The following EPM2A variants were observed in gnomAD, a reference collection of about 807,000 sequenced individuals.
EPM2A encodes the protein laforin.
In EPM2A, 21 loss-of-function variants were observed where a neutral mutation model predicts 26.5. The ratio of observed to expected loss-of-function variants is 0.79; its 90% confidence interval spans 0.56 to 1.14. EPM2A has a LOEUF of 1.14. Among genes scored for constraint, EPM2A ranks in the 50% most tolerant of loss-of-function variants. EPM2A has a pLI of 0.00. For synonymous variants in EPM2A, 217 were observed against 177.6 expected, an observed-to-expected ratio of 1.22 and a Z score of -1.76; for missense variants, 458 against 440.8, an observed-to-expected ratio of 1.04 and a Z score of -0.35.
At chr6:145,513,295 GA>G (rs1297621992) in intron 2 of EPM2A, among the ~76,000 whole-genome samples, 3 of 151,922 alleles carry the variant, frequency 2.0e-5, no homozygotes, top group Non-Finnish European at 2.9e-5. Flanking sequence ...AACCACCCAT[GA>G]AAAAAATGTT....
chr6:145,586,304 T>C (rs1235086119), intron 2 of EPM2A, among the ~76,000 whole-genome samples: 3 of 152,222 alleles, frequency 2.0e-5, no homozygotes, highest in African/African-American at 7.2e-5. Context: ...TTTCCTGTTA[T>C]ACCATCTTCA....
At chr6:145,574,622 G>T (rs1301111836) in intron 2 of EPM2A, among the ~76,000 whole-genome samples, 2 of 152,172 alleles carry the variant, frequency 1.3e-5, no homozygotes, top group Non-Finnish European at 2.9e-5. Context: ...GGTCTAAAGT[G>T]GCTAATACAC....
chr6:145,711,253 C>A (rs181925494), intron 1 of EPM2A, among the ~76,000 whole-genome samples: 3 of 152,284 alleles, frequency 2.0e-5, no homozygotes, highest in Non-Finnish European at 4.4e-5. Context: ...AATCCCAGAA[C>A]TATTAAATTA....
At chr6:145,502,940 ATAAT>A (rs1158692069) in intron 2 of EPM2A, among the ~76,000 whole-genome samples, 2 of 152,234 alleles carry the variant, frequency 1.3e-5, no homozygotes, top group African/African-American at 2.4e-5. Context: ...TTTTGAATAC[ATAAT>A]TAGTTTGCAG....
At chr6:145,394,342 A>G (rs1388634768) in intron 4 of EPM2A, among the ~76,000 whole-genome samples, 1 of 152,110 alleles carries the variant, frequency 6.6e-6, no homozygotes, top group Non-Finnish European at 1.5e-5. Flanking sequence ...CTCAGTTGCC[A>G]CTGAGCACCA....
chr6:145,610,418 A>C (rs961414718), intron 2 of EPM2A, among the ~76,000 whole-genome samples: 4 of 152,236 alleles, frequency 2.6e-5, no homozygotes, highest in Non-Finnish European at 5.9e-5. Flanking sequence ...CAAAAAGCAC[A>C]AAGTAATTGC....
chr6:145,452,721 T>G (rs1173541361), intron 4 of EPM2A, among the ~76,000 whole-genome samples: 1 of 151,284 alleles, frequency 6.6e-6, no homozygotes, highest in Non-Finnish European at 1.5e-5. Flanking sequence ...TTTTGACAAA[T>G]TAAAAATAAA....
chr6:145,493,667 T>C (rs1582797383), intron 4 of EPM2A, among the ~76,000 whole-genome samples: 1 of 152,218 alleles, frequency 6.6e-6, no homozygotes, highest in Non-Finnish European at 1.5e-5. Context: ...GTTCTTTCAA[T>C]ACCTAGTTTA....
chr6:145,735,181 G>C lies in EPM2A; in HGVS notation c.301+17C>G. 1 of 1,481,780 alleles carries C rather than the reference G, an allele frequency of 6.7e-7. No individual in the cohort carries two copies. Among genetic ancestry groups the C allele is most frequent in the Non-Finnish European group, 9.0e-7 (1 of 1,108,876 alleles). 91.8% of individuals were successfully genotyped at this position (1,481,780 alleles called of 1,614,324 possible). On this transcript the variant is annotated intron_variant, in intron 1 of 3. Transcript: ENST00000367519. ...AGCTCCCGCTCTGCGCCGGGGGCAG[G>C]CGTCTGCTGGCAATACCTTCCCAGG...
chr6:145,579,827 T>C lies in EPM2A; in HGVS notation c.340+55418A>G, dbSNP rs111319082. On this transcript the variant is annotated intron_variant, in intron 2 of 3. Transcript: ENST00000450221. ...AATTTTATTTGCATTCTGTCTTCTC[T>C]TTGTTGGCTTTTCAGCTAATTCTGT... Among the ~76,000 whole-genome samples the C allele has an allele frequency of 4.3e-3, 657 of 152,288 alleles. 2 individuals are homozygous for C. The highest frequency in any genetic ancestry group is 0.015 in the African/African-American group (624 of 41,574).
At chr6:145,528,991 G>A (rs1045995699) in intron 2 of EPM2A, among the ~76,000 whole-genome samples, 2 of 152,134 alleles carry the variant, frequency 1.3e-5, no homozygotes, top group South Asian at 2.1e-4. Flanking sequence ...CGTCAGTGGA[G>A]GAAGTCACTG....
At chr6:145,430,782 G>A (rs1778911137) in intron 4 of EPM2A, among the ~76,000 whole-genome samples, 1 of 152,106 alleles carries the variant, frequency 6.6e-6, no homozygotes, top group Admixed American at 6.6e-5. Context: ...ATGAGAAATG[G>A]AAAGACCAAA....
At chr6:145,623,572 G>T (rs375017975), downstream of EPM2A, among the ~76,000 whole-genome samples, 1 of 152,226 alleles carries the variant, frequency 6.6e-6, no homozygotes, top group African/African-American at 2.4e-5. Flanking sequence ...CAGGTGACCA[G>T]ATTGTACAGG....
chr6:145,735,449 C>G lies in EPM2A; in HGVS notation c.50G>C (p.Arg17Pro). The stretch of plus-strand genomic sequence containing the variant: ...CGACCCCACCACCAGCAGCTCCGGC[C>G]GGGCGCCGGCCACGGCGGGTGGCAC... ...VVVPPAVAGA[R>P]PELLVVGSRP... The change falls in exon 1 of 4, where the codon CGG becomes CCG. Residue 17 changes from arginine (R) to proline (P), a missense_variant. Transcript: ENST00000367519. The G allele has an allele frequency of 8.0e-7, 1 of 1,242,584 alleles. No individual in the cohort carries two copies. Among genetic ancestry groups the G allele is most frequent in the Non-Finnish European group, 1.0e-6 (1 of 988,252 alleles). The allele number at this position is 1,242,584 out of a possible 1,614,324, so 77.0% of individuals were successfully genotyped here.
chr6:145,413,447 A>G (rs1020932164), intron 4 of EPM2A, among the ~76,000 whole-genome samples: 1 of 152,208 alleles, frequency 6.6e-6, no homozygotes, highest in African/African-American at 2.4e-5. Context: ...AGGCAGGAAT[A>G]GAGTTTTATG....
chr6:145,609,652 C>T (rs1775347391), intron 2 of EPM2A, among the ~76,000 whole-genome samples: 1 of 152,046 alleles, frequency 6.6e-6, no homozygotes, highest in African/African-American at 2.4e-5. Flanking sequence ...AATGTGAATC[C>T]CTGAATAGCT....
intron 4 of EPM2A, among the ~76,000 whole-genome samples, chr6:145,440,278 G>T (rs1255956850): frequency 6.6e-6 from 1 of 152,160 alleles, no homozygotes; most frequent in Non-Finnish European, 1.5e-5. Context: ...GATCTTGTGA[G>T]ACTTGTTCAC....
intron 4 of EPM2A, among the ~76,000 whole-genome samples, chr6:145,447,705 C>G (rs1197736925): frequency 6.6e-6 from 1 of 152,078 alleles, no homozygotes; most frequent in Non-Finnish European, 1.5e-5. Context: ...CTTTAATAAA[C>G]TTTAAAATCA....
intron 2 of EPM2A, among the ~76,000 whole-genome samples, chr6:145,612,146 T>C (rs1453102206): frequency 2.0e-5 from 3 of 152,214 alleles, no homozygotes; most frequent in Non-Finnish European, 4.4e-5. Flanking sequence ...GACATTTATA[T>C]TACTAGTATT....
Sources: allele counts gnomAD v4.1 joint callset (sites outside exome capture counted in the v4.1 genomes callset), GRCh38; gene constraint gnomAD v4.1.1; transcripts MANE v1.5; gene names NCBI Gene and HGNC (gene_info 2026-07-23, HGNC 2026-07-21).